PPM1L: variants seen among roughly 807,000 people sequenced by gnomAD.
The protein encoded by PPM1L is protein phosphatase 1L.
In PPM1L, 13 loss-of-function variants were observed where a neutral mutation model predicts 31.4. That is an observed-to-expected ratio of 0.41 (90% CI 0.27 to 0.66). The LOEUF (loss-of-function observed/expected upper bound fraction) is 0.66. PPM1L is among the 30% of genes least tolerant of loss of function. PPM1L has a pLI of 0.29. For synonymous variants in PPM1L, 184 were observed against 175.4 expected (o/e 1.05, Z -0.39); for missense variants, 326 against 453.7 (o/e 0.72, Z 2.56).
intron 2 of PPM1L, among the ~76,000 whole-genome samples, chr3:161,047,124 C>T (rs1719107162): frequency 6.6e-6 from 1 of 152,118 alleles, no homozygotes; most frequent in South Asian, 2.1e-4. Context: ...AAAGGGTATT[C>T]AGCTAAGAAA....
At chr3:161,060,653 C>T (rs574761794) in intron 2 of PPM1L, among the ~76,000 whole-genome samples, 1 of 150,814 alleles carries the variant, frequency 6.6e-6, no homozygotes, top group South Asian at 2.1e-4. Context: ...TTTTCTGAGG[C>T]TTAAAAGTCA....
chr3:161,004,826 G>A (rs956095929), intron 2 of PPM1L, among the ~76,000 whole-genome samples: 4 of 151,854 alleles, frequency 2.6e-5, no homozygotes, highest in Non-Finnish European at 5.9e-5. Flanking sequence ...AGGGTTTTTT[G>A]TATCTCTATT....
chr3:160,999,861 C>T (rs929363653), intron 2 of PPM1L, among the ~76,000 whole-genome samples: 1 of 152,230 alleles, frequency 6.6e-6, no homozygotes, highest in African/African-American at 2.4e-5. Flanking sequence ...ACAGGACCTA[C>T]AGCTTAATTC....
chr3:160,799,876 A>G (rs1031304685), intron 1 of PPM1L, among the ~76,000 whole-genome samples: 1 of 152,082 alleles, frequency 6.6e-6, no homozygotes, highest in Non-Finnish European at 1.5e-5. Context: ...GCTTCTCAGT[A>G]TCTATTGACC....
At chr3:160,963,424 G>T (rs1425917633) in intron 2 of PPM1L, among the ~76,000 whole-genome samples, 1 of 152,180 alleles carries the variant, frequency 6.6e-6, no homozygotes, top group East Asian at 1.9e-4. Flanking sequence ...GTAGAAAATA[G>T]ATCTTGCAGA....
At position 160,927,065 on chromosome 3, in the gene PPM1L, T is replaced by C. The variant is rs1435984451; in HGVS notation, c.400-34671T>C. 2.0e-5 allele frequency among the ~76,000 whole-genome samples: 3 copies of C among 152,194 alleles called. No individual in the cohort carries two copies. In the East Asian group the frequency reaches 5.8e-4, roughly 29 times the overall value. ...CTAAGGCAAATGTGTTAATATTGTG[T>C]AAATAGAAGCTCTGAAAGACAATGG... is the stretch of plus-strand genomic sequence containing the variant. On this transcript the variant is annotated intron_variant, in intron 1 of 3. Coordinates refer to ENST00000498165, the MANE Select transcript of PPM1L (RefSeq NM_139245.4).
intron 1 of PPM1L, among the ~76,000 whole-genome samples, chr3:160,893,012 T>C (rs1339228696): frequency 6.6e-6 from 1 of 152,204 alleles, no homozygotes; most frequent in East Asian, 1.9e-4. Context: ...GATATACATG[T>C]CATATATATA....
At chr3:161,031,981 A>T (rs1718579177) in intron 2 of PPM1L, among the ~76,000 whole-genome samples, 1 of 152,204 alleles carries the variant, frequency 6.6e-6, no homozygotes, top group South Asian at 2.1e-4. Flanking sequence ...AAAGAGAAAG[A>T]AAGAGCAAAG....
intron 1 of PPM1L, among the ~76,000 whole-genome samples, chr3:160,929,001 G>A (rs1714694639): frequency 1.3e-5 from 2 of 152,038 alleles, no homozygotes; most frequent in South Asian, 4.1e-4. Flanking sequence ...TTTCTTTGAG[G>A]CAAACCTAAC....
chr3:160,820,884 A>G (rs1214800102), intron 1 of PPM1L, among the ~76,000 whole-genome samples: 1 of 152,068 alleles, frequency 6.6e-6, no homozygotes, highest in Admixed American at 6.6e-5. Context: ...TACATATGCA[A>G]GAGTTTTTTT....
chr3:160,916,681 CT>C (rs199577407), intron 1 of PPM1L, among the ~76,000 whole-genome samples: 6 of 148,968 alleles, frequency 4.0e-5, no homozygotes, highest in Admixed American at 6.7e-5. Context: ...GTTTTATATT[CT>C]TTTTTTTTTC....
chr3:161,012,479 CT>C (rs1297409206), intron 2 of PPM1L, among the ~76,000 whole-genome samples: 3 of 151,780 alleles, frequency 2.0e-5, no homozygotes, highest in Non-Finnish European at 4.4e-5. Context: ...CTAAAATTCT[CT>C]TTTTTGGTTG....
At chr3:160,951,501 A>G (rs1715575696) in intron 1 of PPM1L, among the ~76,000 whole-genome samples, 1 of 152,202 alleles carries the variant, frequency 6.6e-6, no homozygotes. Context: ...GCAAAATTAT[A>G]TTTTATTGCA....
intron 2 of PPM1L, among the ~76,000 whole-genome samples, chr3:161,060,453 G>A (rs978970413): frequency 1.3e-5 from 2 of 152,146 alleles, no homozygotes; most frequent in South Asian, 2.1e-4. Flanking sequence ...GAAATAGCCC[G>A]GGGGCTAAAA....
intron 2 of PPM1L, among the ~76,000 whole-genome samples, chr3:161,051,244 ATTAGAC>A (rs1327690497): frequency 6.6e-6 from 1 of 152,182 alleles, no homozygotes; most frequent in Non-Finnish European, 1.5e-5. Context: ...TTATTTTGGC[ATTAGAC>A]AGTAAGTGCC....
intron 1 of PPM1L, among the ~76,000 whole-genome samples, chr3:160,886,144 C>T (rs746354794): frequency 4.3e-4 from 65 of 152,298 alleles, no homozygotes; most frequent in African/African-American, 1.3e-3. Flanking sequence ...CCTTACTGGG[C>T]GGGGCTCCCT....
intron 1 of PPM1L, among the ~76,000 whole-genome samples, chr3:160,805,955 T>G (rs935039186): frequency 2.0e-5 from 3 of 152,128 alleles, no homozygotes; most frequent in Admixed American, 2.0e-4. Flanking sequence ...GCCCATATTC[T>G]TGCCATGGCT....
rs1335341373 is a variant in PPM1L at position 160,841,198 on chromosome 3, C to T, written c.399+84491C>T. Among the ~76,000 whole-genome samples, 3 of 151,594 alleles carry T rather than the reference C, an allele frequency of 2.0e-5. No homozygotes were observed. In the East Asian group the frequency reaches 5.8e-4, roughly 29 times the overall value. On this transcript the variant is annotated intron_variant, in intron 1 of 3. Coordinates refer to ENST00000498165, the MANE Select transcript of PPM1L (RefSeq NM_139245.4). ...TTTTTTTTTTATCTATATATATTTT[C>T]TCCTGATAGCTTACTTCTTAAAAGG...
intron 1 of PPM1L, among the ~76,000 whole-genome samples, chr3:160,808,404 T>TGCGCGCGC (rs1712697988): frequency 6.7e-6 from 1 of 148,274 alleles, no homozygotes; most frequent in African/African-American, 2.6e-5. Context: ...TGTGTGTGTG[T>TGCGCGCGC]GTGTGTGTGT....
Sources: allele counts gnomAD v4.1 joint callset (sites outside exome capture counted in the v4.1 genomes callset), GRCh38; gene constraint gnomAD v4.1.1; transcripts MANE v1.5; gene names NCBI Gene and HGNC (gene_info 2026-07-23, HGNC 2026-07-21).